Variants in SOX6 observed in about 807,000 individuals in gnomAD.
SOX6 encodes transcription factor SOX-6.
A neutral mutation model predicts 97.8 loss-of-function variants in SOX6; 11 were observed. That is an observed-to-expected ratio of 0.11 (90% CI 0.07 to 0.19). The LOEUF (loss-of-function observed/expected upper bound fraction) is 0.19. Among genes scored for constraint, SOX6 ranks in the 10% least tolerant of loss-of-function variants. The pLI is 1.00. For missense variants in SOX6, 810 were observed against 1,039.5 expected (o/e 0.78, Z 3.04); for synonymous variants, 360 against 371.4 (o/e 0.97, Z 0.35).
intron 3 of SOX6, among the ~76,000 whole-genome samples, chr11:16,305,165 GTATCTATCATAGGACTAGTAT>G (rs1855387116): frequency 6.6e-6 from 1 of 152,048 alleles, no homozygotes; most frequent in African/African-American, 2.4e-5. Flanking sequence ...TCCAAACCAT[GTATCTATCATAGGACTAGTAT>G]TTAGAATAAT....
At chr11:16,115,336 A>ATTCAGTCCAACTAATTAAATT in intron 6 of SOX6, among the ~76,000 whole-genome samples, 1 of 152,196 alleles carries the variant, frequency 6.6e-6, no homozygotes. Flanking sequence ...AAACTCTGGA[A>ATTCAGTCCAACTAATTAAATT]TTCAGTCCAA....
At chr11:16,159,239 T>G (rs1850679187) in intron 6 of SOX6, among the ~76,000 whole-genome samples, 1 of 152,100 alleles carries the variant, frequency 6.6e-6, no homozygotes, top group Non-Finnish European at 1.5e-5. Flanking sequence ...CCTCTTTTCC[T>G]ATCCCCTCCT....
intron 13 of SOX6, among the ~76,000 whole-genome samples, chr11:16,007,871 C>A (rs879857124): frequency 1.3e-5 from 2 of 152,062 alleles, no homozygotes; most frequent in Non-Finnish European, 2.9e-5. Context: ...GCAGTCCCAT[C>A]GGGAACATAT....
At chr11:16,467,607 G>A (rs759088016) in intron 1 of SOX6, among the ~76,000 whole-genome samples, 23 of 152,162 alleles carry the variant, frequency 1.5e-4, no homozygotes, top group Non-Finnish European at 2.6e-4. Flanking sequence ...GACACATAGA[G>A]GGGAACAACA....
At chr11:16,425,729 A>G (rs1565141086) in intron 1 of SOX6, among the ~76,000 whole-genome samples, 2 of 152,180 alleles carry the variant, frequency 1.3e-5, no homozygotes, top group East Asian at 3.9e-4. Context: ...TTGCCACAAA[A>G]ACAATAGAAC....
At chr11:16,711,501 C>T (rs572731717) in intron 3 of SOX6, among the ~76,000 whole-genome samples, 10 of 152,156 alleles carry the variant, frequency 6.6e-5, no homozygotes, top group South Asian at 4.1e-4. Context: ...CCAGCCTGGA[C>T]GACAGAAGGA....
chr11:16,095,343 C>T (rs1848770767), intron 9 of SOX6, among the ~76,000 whole-genome samples: 1 of 151,718 alleles, frequency 6.6e-6, no homozygotes, highest in Non-Finnish European at 1.5e-5. Flanking sequence ...AAGCCATCTT[C>T]TCTCAGTGGT....
At chr11:16,472,857 A>G (rs1860163710) in intron 1 of SOX6, among the ~76,000 whole-genome samples, 1 of 152,110 alleles carries the variant, frequency 6.6e-6, no homozygotes, top group Non-Finnish European at 1.5e-5. Context: ...CCTTTATAGC[A>G]GTACACTAAC....
Position 16,132,398 on chromosome 11 carries a change from G to A in SOX6, c.778-20475C>T, listed in dbSNP as rs867253439. Among the ~76,000 whole-genome samples, 258 of 48,032 alleles carry A rather than the reference G, an allele frequency of 5.4e-3. 3 individuals carry two copies. The highest frequency in any genetic ancestry group is 8.9e-3 in the Middle Eastern group (1 of 112). 31.5% of individuals were successfully genotyped at this position (48,032 alleles called of 152,430 possible). On this transcript the variant is annotated intron_variant, in intron 6 of 15. Transcript: ENST00000683767. Reference sequence around the variant, plus strand: ...AGAAAGAAAGAAAGAAAGAAAGAAAGAAAAAAGAAAGAAAGAAAGAAAGAA... The same window carrying A: ...AGAAAGAAAGAAAGAAAGAAAGAAAAAAAAAAGAAAGAAAGAAAGAAAGAA...
intron 7 of SOX6, among the ~76,000 whole-genome samples, chr11:16,103,406 C>T (rs1234815718): frequency 6.6e-6 from 1 of 151,468 alleles, no homozygotes; most frequent in African/African-American, 2.4e-5. Context: ...AAAGGGAACA[C>T]TTTTACACTG....
intron 3 of SOX6, among the ~76,000 whole-genome samples, chr11:16,269,401 G>A (rs1391115204): frequency 1.3e-5 from 2 of 150,542 alleles, no homozygotes; most frequent in Admixed American, 6.6e-5. Flanking sequence ...CACTATTCTT[G>A]CATGTTTGTT....
chr11:16,725,124 T>C (rs970446850), intron 2 of SOX6, among the ~76,000 whole-genome samples: 7 of 152,208 alleles, frequency 4.6e-5, no homozygotes, highest in African/African-American at 1.7e-4. Flanking sequence ...TGCCTATAAC[T>C]GATGAATGGA....
At chr11:16,528,552 A>T (rs1182870758) in intron 4 of SOX6, among the ~76,000 whole-genome samples, 1 of 152,082 alleles carries the variant, frequency 6.6e-6, no homozygotes, top group African/African-American at 2.4e-5. Context: ...AACAGATGGG[A>T]TCTGTCCTTG....
intron 3 of SOX6, among the ~76,000 whole-genome samples, chr11:16,612,454 G>T (rs1486434235): frequency 6.6e-6 from 1 of 151,862 alleles, no homozygotes; most frequent in Non-Finnish European, 1.5e-5. Flanking sequence ...TGAGTCTGTG[G>T]ATAAACTCAT....
chr11:16,595,265 A>G (rs749609967), intron 4 of SOX6, among the ~76,000 whole-genome samples: 23 of 152,164 alleles, frequency 1.5e-4, no homozygotes, highest in Non-Finnish European at 2.9e-5. Context: ...GGTTAAAGCC[A>G]TTGTAGACCA....
intron 13 of SOX6, among the ~76,000 whole-genome samples, chr11:16,007,183 A>G (rs1384474486): frequency 4.6e-5 from 7 of 152,088 alleles, no homozygotes. Context: ...CCAAACCTAG[A>G]TGGTATAGTC....
chr11:16,174,590 T>C (rs1254854903), intron 6 of SOX6, among the ~76,000 whole-genome samples: 1 of 151,914 alleles, frequency 6.6e-6, no homozygotes, highest in Non-Finnish European at 1.5e-5. Context: ...AAGTGTCACA[T>C]AGTATATCAA....
intron 12 of SOX6, among the ~76,000 whole-genome samples, chr11:16,043,825 G>T (rs1036595583): frequency 4.6e-5 from 7 of 152,088 alleles, no homozygotes; most frequent in African/African-American, 1.4e-4. Context: ...CTTCAGCATT[G>T]CCTTAGCTGG....
intron 6 of SOX6, among the ~76,000 whole-genome samples, chr11:16,140,708 C>T (rs893114673): frequency 2.0e-5 from 3 of 152,106 alleles, no homozygotes; most frequent in Non-Finnish European, 4.4e-5. Context: ...GGGTAAAATA[C>T]CAGCAAAGAC....
Sources: allele counts gnomAD v4.1 joint callset (sites outside exome capture counted in the v4.1 genomes callset), GRCh38; gene constraint gnomAD v4.1.1; transcripts MANE v1.5; gene names NCBI Gene and HGNC (gene_info 2026-07-23, HGNC 2026-07-21).